ERC1: variants seen among roughly 807,000 people sequenced by gnomAD.
ERC1 encodes ELKS/RAB6-interacting/CAST family member 1.
In ERC1, 56 loss-of-function variants were observed where a neutral mutation model predicts 132.0. The observed-to-expected ratio is 0.42, with a 90% CI of 0.34 to 0.53. ERC1 has a LOEUF of 0.53. Among genes scored for constraint, ERC1 ranks in the 20% least tolerant of loss-of-function variants. ERC1 has a pLI of 0.03. For missense variants in ERC1, 1,202 were observed against 1,349.9 expected (o/e 0.89, Z 1.72); for synonymous variants, 478 against 476.1 (o/e 1.00, Z -0.05).
chr12:1,259,898 C>G (rs1228739813), intron 13 of ERC1, among the ~76,000 whole-genome samples: 1 of 152,216 alleles, frequency 6.6e-6, no homozygotes, highest in Admixed American at 6.5e-5. Context: ...TATAAAAACA[C>G]ATCATCCCTT....
intron 12 of ERC1, among the ~76,000 whole-genome samples, chr12:1,193,176 A>G (rs1274595601): frequency 6.6e-6 from 1 of 152,210 alleles, no homozygotes; most frequent in Non-Finnish European, 1.5e-5. Context: ...TTTGTGATCT[A>G]AAGAAATAAA....
intron 16 of ERC1, among the ~76,000 whole-genome samples, chr12:1,374,158 G>C (rs761921925): frequency 1.7e-4 from 26 of 152,218 alleles, no homozygotes; most frequent in Admixed American, 1.7e-3. Context: ...AAAGCTTCTA[G>C]TCCATGAATT....
intron 15 of ERC1, among the ~76,000 whole-genome samples, chr12:1,334,952 G>T (rs1210838977): frequency 6.6e-6 from 1 of 152,130 alleles, no homozygotes; most frequent in Non-Finnish European, 1.5e-5. Context: ...CACCTGCTTG[G>T]TTAGCTGTAT....
chr12:1,367,041 G>T (rs766256773), intron 15 of ERC1, among the ~76,000 whole-genome samples: 7 of 152,156 alleles, frequency 4.6e-5, no homozygotes, highest in Non-Finnish European at 1.0e-4. Context: ...ATCTACCATA[G>T]TCTCTGAAAC....
chr12:1,317,394 C>T (rs2081832617), intron 15 of ERC1, among the ~76,000 whole-genome samples: 1 of 151,556 alleles, frequency 6.6e-6, no homozygotes, highest in African/African-American at 2.4e-5. Flanking sequence ...TCACACACGG[C>T]CTGTCGGGGG....
At chr12:1,362,466 C>T (rs1168964620) in intron 15 of ERC1, among the ~76,000 whole-genome samples, 1 of 151,936 alleles carries the variant, frequency 6.6e-6, no homozygotes, top group Non-Finnish European at 1.5e-5. Flanking sequence ...CTCTCTCTCT[C>T]TCTGTCTCTC....
intron 1 of ERC1, among the ~76,000 whole-genome samples, chr12:1,012,062 C>T (rs1964767467): frequency 6.6e-6 from 1 of 152,022 alleles, no homozygotes; most frequent in African/African-American, 2.4e-5. Flanking sequence ...TTCACTTAAA[C>T]ATTTCTCAAT....
At chr12:1,360,411 G>A (rs1566675699) in intron 15 of ERC1, among the ~76,000 whole-genome samples, 1 of 152,128 alleles carries the variant, frequency 6.6e-6, no homozygotes, top group Admixed American at 6.5e-5. Flanking sequence ...CTTCATTGGG[G>A]CTGTCATGGC....
At chr12:1,117,258 C>T (rs1444422203) in intron 7 of ERC1, among the ~76,000 whole-genome samples, 6 of 152,084 alleles carry the variant, frequency 3.9e-5, no homozygotes, top group Admixed American at 3.9e-4. Context: ...ATAAAAACCT[C>T]ATAGTCTTAG....
chr12:1,456,532 ATAT>A (rs1429479023), intron 18 of ERC1, among the ~76,000 whole-genome samples: 2 of 152,062 alleles, frequency 1.3e-5, no homozygotes, highest in Non-Finnish European at 2.9e-5. Context: ...GACCAAGAAG[ATAT>A]TATTTCTAAA....
chr12:1,276,026 G>A (rs983503152), intron 14 of ERC1, among the ~76,000 whole-genome samples: 20 of 152,170 alleles, frequency 1.3e-4, no homozygotes, highest in Middle Eastern at 3.4e-3. Flanking sequence ...TTTCTAGGTC[G>A]AAAACAAGTG....
At chr12:1,137,368 A>AG (rs1343765864) in intron 7 of ERC1, among the ~76,000 whole-genome samples, 7 of 151,008 alleles carry the variant, frequency 4.6e-5, no homozygotes, top group Admixed American at 2.6e-4. Context: ...AAGTGCTGGG[A>AG]TTACAGGTGT....
intron 12 of ERC1, among the ~76,000 whole-genome samples, chr12:1,228,780 G>A (rs1410901894): frequency 6.6e-6 from 1 of 152,076 alleles, no homozygotes; most frequent in Non-Finnish European, 1.5e-5. Context: ...TCAGATGATT[G>A]TGTGATTTTT....
At chr12:1,011,340 A>T (rs1310917768) in intron 1 of ERC1, among the ~76,000 whole-genome samples, 4 of 152,088 alleles carry the variant, frequency 2.6e-5, no homozygotes, top group Non-Finnish European at 5.9e-5. Context: ...AGTAGCTGGG[A>T]CTACAGGCAT....
At chr12:1,336,022 T>C (rs534258702) in intron 15 of ERC1, among the ~76,000 whole-genome samples, 7 of 152,194 alleles carry the variant, frequency 4.6e-5, no homozygotes, top group Non-Finnish European at 1.0e-4. Context: ...ATTTATCCCT[T>C]TCTTCTAGAT....
Position 1,257,587 on chromosome 12 carries a change from A to T in ERC1, c.2488-5447A>T, listed in dbSNP as rs141588417. ...ACCATGGTAATTATCAGGGTTGGGT[A>T]ACATTGGAGCTTTTGTTGGTGTTTA... On this transcript the variant is annotated intron_variant, in intron 13 of 18. Coordinates refer to ENST00000360905, the MANE Select transcript of ERC1 (RefSeq NM_178040.4). 4.7e-4 allele frequency among the ~76,000 whole-genome samples: 72 copies of T among 152,312 alleles called. 1 individual carries two copies. The highest frequency in any genetic ancestry group is 1.6e-3 in the African/African-American group (67 of 41,572).
chr12:1,123,938 G>T (rs912747837), intron 7 of ERC1, among the ~76,000 whole-genome samples: 1 of 152,236 alleles, frequency 6.6e-6, no homozygotes, highest in African/African-American at 2.4e-5. Context: ...AGAGGTTGCA[G>T]TGAGCTAAGA....
At chr12:1,262,373 CTT>C (rs2077197426) in intron 13 of ERC1, among the ~76,000 whole-genome samples, 1 of 152,176 alleles carries the variant, frequency 6.6e-6, no homozygotes, top group Non-Finnish European at 1.5e-5. Context: ...GTGTTTTAAA[CTT>C]GTGTAGAACA....
intron 15 of ERC1, among the ~76,000 whole-genome samples, chr12:1,340,141 TATA>T (rs558794570): frequency 6.6e-6 from 1 of 152,216 alleles, no homozygotes; most frequent in South Asian, 2.1e-4. Context: ...GCACAGGAGC[TATA>T]ATGACAGCCT....
Sources: allele counts gnomAD v4.1 joint callset (sites outside exome capture counted in the v4.1 genomes callset), GRCh38; gene constraint gnomAD v4.1.1; transcripts MANE v1.5; gene names NCBI Gene and HGNC (gene_info 2026-07-23, HGNC 2026-07-21).